COL9A3: variants seen among roughly 807,000 people sequenced by gnomAD.
COL9A3 encodes collagen alpha-3(IX) chain.
A neutral mutation model predicts 110.2 loss-of-function variants in COL9A3; 82 were observed. The observed-to-expected ratio is 0.74, with a 90% confidence interval of 0.62 to 0.89. The LOEUF (loss-of-function observed/expected upper bound fraction) is 0.89. COL9A3 is among the 40% of genes least tolerant of loss of function. The pLI is 0.00. For synonymous variants in COL9A3, 494 were observed against 403.8 expected, an observed-to-expected ratio of 1.22 and a Z score of -2.68; for missense variants, 1,066 against 981.3, an observed-to-expected ratio of 1.09 and a Z score of -1.15.
intron 26 of COL9A3, among the ~76,000 whole-genome samples, chr20:62,834,512 T>C (rs1470282586): frequency 6.6e-6 from 1 of 152,222 alleles, no homozygotes; most frequent in South Asian, 2.1e-4. Flanking sequence ...AAGTCTTTCC[T>C]TTGCGTCTGG....
Position 62,837,067 on chromosome 20 carries a change from C to T in COL9A3, c.1604-16C>T. On this transcript the variant is annotated splice_polypyrimidine_tract_variant and intron_variant, in intron 29 of 31. Transcript: ENST00000649368. ...TCCTCTCTCGAGTAAACGCCTGCACCCTTGTTTTCCCAAAGAACAAATTGC... is the reference window on the plus strand; with the variant it reads ...TCCTCTCTCGAGTAAACGCCTGCACTCTTGTTTTCCCAAAGAACAAATTGC... 6.2e-7 allele frequency: 1 copy of T among 1,612,256 alleles called. No homozygotes were observed. Among genetic ancestry groups the T allele is most frequent in the Non-Finnish European group, 8.5e-7 (1 of 1,180,000 alleles).
rs375386015 is a variant in COL9A3, at chr20:62,829,697, G to A, written c.1107+16G>A. On this transcript the variant is annotated intron_variant, in intron 21 of 31. Coordinates refer to ENST00000649368, the MANE Select transcript of COL9A3 (RefSeq NM_001853.4). ...AGGCGTCCCTGTGAGTATCTGCGGC[G>A]CCCCAGACCCCTCCCCATCCAGCCT... is the stretch of plus-strand genomic sequence containing the variant. 37 of 1,604,916 alleles carry A rather than the reference G, an allele frequency of 2.3e-5. No homozygotes were observed. In the East Asian group the frequency reaches 2.5e-4, roughly 11 times the overall value.
chr20:62,819,446 G>A (rs1991048381), intron 4 of COL9A3, among the ~76,000 whole-genome samples, 153 bp downstream of exon 4: 1 of 152,242 alleles, frequency 6.6e-6, no homozygotes, highest in Non-Finnish European at 1.5e-5. Flanking sequence ...GGGGTCCTTT[G>A]GCCTTCATCC....
At chr20:62,816,433 T>C (rs1198790505), upstream of COL9A3, 1 of 152,292 alleles carries the variant, frequency 6.6e-6, no homozygotes, top group Non-Finnish European at 1.5e-5. Flanking sequence ...GAGTCTGGTC[T>C]TAGCCGGTAG....
chr20:62,821,152 C>T, intron 5 of COL9A3, 29 bp from the exon 6 acceptor site: 1 of 1,611,626 alleles, frequency 6.2e-7, no homozygotes, highest in Non-Finnish European at 8.5e-7. Flanking sequence ...AGGCCCAGCC[C>T]AACCTAGACG....
rs779115650 is a variant in COL9A3, at chr20:62,836,256, G to A, written c.1471G>A (p.Val491Ile). 3 of 1,613,782 alleles carry A rather than the reference G, an allele frequency of 1.9e-6. No individual in the cohort carries two copies. The highest frequency in any genetic ancestry group is 2.5e-6 in the Non-Finnish European group (3 of 1,180,006). ...CAACGGCACCAGCGGTGTTCAGGGT[G>A]TCCCCGGGCCCCCCGGTCCTCTGGG... ...GPNGTSGVQG[V>I]PGPPGPLGLQ... The change falls in exon 28 of 32, where the codon GTC becomes ATC. Residue 491 changes from valine (V) to isoleucine (I), a missense_variant. Physicochemically the swap from Val to Ile is conservative, Grantham distance 29. Coordinates refer to ENST00000649368, the MANE Select transcript of COL9A3 (RefSeq NM_001853.4).
rs113978954 is a variant in COL9A3, at chr20:62,820,103, G to A, written c.309+121G>A. On this transcript the variant is annotated intron_variant, in intron 5 of 31. Coordinates refer to ENST00000649368, the MANE Select transcript of COL9A3 (RefSeq NM_001853.4). ...AGTTCCAAGGACAGCTGCCCTGCCC[G>A]TGCCTGGGGTGGAGGGGCAGAAGGG... 474 of 1,187,378 alleles carry A rather than the reference G, an allele frequency of 4.0e-4. 2 individuals are homozygous for A. In the African/African-American group the frequency reaches 4.7e-3, roughly 12 times the overall value. The allele number at this position is 1,187,378 out of a possible 1,614,324, so 73.6% of individuals were successfully genotyped here. A position where few individuals can be genotyped will look rare whatever the true frequency, so the allele number is the denominator to read the frequency against.
chr20:62,832,317 C>T (rs1325521614), intron 25 of COL9A3, 128 bp downstream of exon 25: 26 of 934,362 alleles, frequency 2.8e-5, no homozygotes, highest in Non-Finnish European at 3.7e-5. Context: ...CTCCTCTTGC[C>T]GTGTCTGTCA....
intron 15 of COL9A3, 61 bp from the exon 16 acceptor site, chr20:62,827,180 C>T: frequency 6.3e-7 from 1 of 1,586,638 alleles, no homozygotes; most frequent in South Asian, 1.1e-5. Flanking sequence ...GGGCCCCCGT[C>T]CTACTCTCCG....
chr20:62,830,941 G>A (rs770669492), intron 24 of COL9A3, among the ~76,000 whole-genome samples: 7 of 151,318 alleles, frequency 4.6e-5, no homozygotes, highest in African/African-American at 7.3e-5. Flanking sequence ...GACCTTCCAC[G>A]TGGTGTTCCT....
chr20:62,821,712 G>A lies in COL9A3; in HGVS notation c.370-45G>A, dbSNP rs369855265. 1,516 of 1,580,754 alleles carry A rather than the reference G, an allele frequency of 9.6e-4. 2 individuals carry two copies. Among genetic ancestry groups the A allele is most frequent in the Non-Finnish European group, 1.2e-3 (1,407 of 1,155,664 alleles). ...ACCAACCCTGGGTGGGGATCCTCGG[G>A]GCTTCCGGGTGCAGACCTCCCCACC... is the stretch of plus-strand genomic sequence containing the variant. On this transcript the variant is annotated intron_variant, in intron 7 of 31. Coordinates refer to ENST00000649368, the MANE Select transcript of COL9A3 (RefSeq NM_001853.4).
chr20:62,827,783 A>G (rs2063565613), intron 16 of COL9A3, 140 bp from the exon 17 acceptor site: 4 of 843,812 alleles, frequency 4.7e-6, no homozygotes. Flanking sequence ...ACGCACCCAC[A>G]GGCCCCAGGG....
intron 27 of COL9A3, 78 bp from the exon 28 acceptor site, chr20:62,836,109 C>G: frequency 3.1e-6 from 5 of 1,604,208 alleles, no homozygotes; most frequent in Non-Finnish European, 4.3e-6. Context: ...GGCTCCGTGC[C>G]GGCTGGGAAA....
In COL9A3 at chr20:62,841,031, T is replaced by C; in HGVS notation, c.*299T>C. 2.5e-6 allele frequency: 1 copy of C among 399,704 alleles called. No homozygotes were observed. The highest frequency in any genetic ancestry group is 4.6e-6 in the Non-Finnish European group (1 of 215,852). 24.8% of individuals were successfully genotyped at this position (399,704 alleles called of 1,614,324 possible). A position where few individuals can be genotyped will look rare whatever the true frequency, so the allele number is the denominator to read the frequency against. ...GAGGTGAAAAATATTCAGTAACTTG[T>C]TTACATAGCATTTGTGTAAAGACTA... is the stretch of plus-strand genomic sequence containing the variant. On this transcript the variant is annotated 3_prime_UTR_variant, in exon 32 of 32. Coordinates refer to ENST00000649368, the MANE Select transcript of COL9A3 (RefSeq NM_001853.4).
At chr20:62,821,976 G>C in intron 8 of COL9A3, 135 bp from the exon 9 acceptor site, 1 of 776,230 alleles carries the variant, frequency 1.3e-6, no homozygotes, top group Non-Finnish European at 2.3e-6. Flanking sequence ...CCCGACCTCA[G>C]GACGCAGACA....
Position 62,837,149 on chromosome 20 carries a change from G to A in COL9A3, c.1670G>A (p.Gly557Asp). The change falls in exon 30 of 32, where the codon GGT (glycine) becomes GAT (aspartate). Residue 557 changes from glycine (G) to aspartate (D), a missense_variant. Physicochemically the swap from Gly to Asp is moderately conservative, Grantham distance 94. Coordinates refer to ENST00000649368, the MANE Select transcript of COL9A3 (RefSeq NM_001853.4). ...GCACCCGGGTCCATTGGTCGGCCCG[G>A]TCCAGCTGGCCCCCCTGGGCCCCCA... ...PLAPGSIGRP[G>D]PAGPPGPPGP... The A allele has an allele frequency of 6.2e-7, 1 of 1,613,302 alleles. No homozygotes were observed. Among genetic ancestry groups the A allele is most frequent in the Non-Finnish European group, 8.5e-7 (1 of 1,179,976 alleles).
At position 62,836,197 on chromosome 20, in the gene COL9A3, G is replaced by A. The variant is rs1440423945; in HGVS notation, c.1412G>A (p.Arg471Gln). 6.8e-6 allele frequency: 11 copies of A among 1,613,402 alleles called. No individual in the cohort carries two copies. The highest frequency in any genetic ancestry group is 2.2e-5 in the East Asian group (1 of 44,886). Residue 471 changes from arginine to glutamine, a missense_variant, in exon 28 of 32, where the codon CGA (arginine) becomes CAA (glutamine). Coordinates refer to ENST00000649368, the MANE Select transcript of COL9A3 (RefSeq NM_001853.4). ...TCTGTTCCTCTGCAGTCTGGCAGTC[G>A]AGGGGAGCTGGGCCCCAAAGGCACC... ...LVGPKGESGS[R>Q]GELGPKGTQG...
rs2063519920 is a variant in COL9A3, at chr20:62,822,493, G to T, written c.478-98G>T. On this transcript the variant is annotated intron_variant, in intron 9 of 31. Coordinates refer to ENST00000649368, the MANE Select transcript of COL9A3 (RefSeq NM_001853.4). ...GGGTCTCCAAGTCCCCTGGTGGATG[G>T]GGAAGGTTGTGGTCCGTCAGAGAGT... 5 of 1,282,648 alleles carry T rather than the reference G, an allele frequency of 3.9e-6. No homozygotes were observed. In the Admixed American group the frequency reaches 8.7e-5, roughly 22 times the overall value. The allele number at this position is 1,282,648 out of a possible 1,614,324, so 79.5% of individuals were successfully genotyped here.
intron 5 of COL9A3, among the ~76,000 whole-genome samples, 180 bp from the exon 6 acceptor site, chr20:62,821,001 C>A (rs556615733): frequency 6.6e-6 from 1 of 152,328 alleles, no homozygotes; most frequent in Non-Finnish European, 1.5e-5. Flanking sequence ...TCCAGCAGCT[C>A]CCCAGGACGG....
Sources: gnomAD v4.1 joint callset for allele counts (sites outside exome capture counted in the v4.1 genomes callset) on GRCh38, gnomAD v4.1.1 for gene constraint, MANE v1.5 for transcripts, NCBI Gene and HGNC (gene_info 2026-07-23, HGNC 2026-07-21) for gene names.